The following NUP133 variants were observed in gnomAD, a reference collection of about 807,000 sequenced individuals.
NUP133 encodes the protein nuclear pore complex protein Nup133.
A neutral mutation model predicts 146.2 loss-of-function variants in NUP133; 66 were observed. The ratio of observed to expected loss-of-function variants is 0.45; its 90% CI spans 0.37 to 0.55. NUP133 has a LOEUF of 0.55. NUP133 is among the 20% of genes least tolerant of loss of function. The pLI is 0.00. For synonymous variants in NUP133, 521 were observed against 498.8 expected, an observed-to-expected ratio of 1.04 and a Z score of -0.59; for missense variants, 1,277 against 1,374.8, an observed-to-expected ratio of 0.93 and a Z score of 1.12.
In NUP133 at chr1:229,441,518, G is replaced by T; in HGVS notation, c.*386C>A. On this transcript the variant is annotated 3_prime_UTR_variant, in exon 26 of 26. Transcript: ENST00000261396. ...AGATTCTCTTCAGTGCAAAGTATCTGGAGTCACAGCAATTTTAGAGACAAG... is the reference window on the plus strand; with the variant it reads ...AGATTCTCTTCAGTGCAAAGTATCTTGAGTCACAGCAATTTTAGAGACAAG... 1 of 511,658 alleles carries T rather than the reference G, an allele frequency of 2.0e-6. No individual in the cohort carries two copies. The allele number at this position is 511,658 out of a possible 1,614,324, so 31.7% of individuals were successfully genotyped here.
intron 9 of NUP133, 32 bp from the exon 10 acceptor site, chr1:229,487,645 A>G (rs1277707807): frequency 2.0e-6 from 3 of 1,514,334 alleles, no homozygotes; most frequent in East Asian, 2.3e-5. Flanking sequence ...ACATTTAACA[A>G]GAAGTAAAAC....
intron 11 of NUP133, 58 bp downstream of exon 11, chr1:229,486,313 C>T (rs1558103273): frequency 1.1e-5 from 16 of 1,450,224 alleles, no homozygotes; most frequent in Non-Finnish European, 1.8e-6. Flanking sequence ...CAGCGTGAGA[C>T]ACTATCTCTA....
intron 13 of NUP133, 117 bp downstream of exon 13, chr1:229,477,480 A>G: frequency 1.3e-6 from 1 of 774,692 alleles, no homozygotes. Context: ...ATTTTAAAAA[A>G]TATTGAATTA....
At chr1:229,442,431 C>T (rs957757880) in intron 25 of NUP133, among the ~76,000 whole-genome samples, 3 of 152,146 alleles carry the variant, frequency 2.0e-5, no homozygotes, top group African/African-American at 7.2e-5. Context: ...AATGTGTTTA[C>T]AGTATAAATC....
intron 21 of NUP133, among the ~76,000 whole-genome samples, chr1:229,457,182 G>A (rs1483825771): frequency 1.3e-5 from 2 of 151,856 alleles, no homozygotes; most frequent in Admixed American, 6.6e-5. Context: ...GGTACAATGT[G>A]ATGCTTCAAT....
intron 8 of NUP133, among the ~76,000 whole-genome samples, chr1:229,491,705 G>A (rs990780740): frequency 2.6e-5 from 4 of 152,126 alleles, no homozygotes; most frequent in South Asian, 2.1e-4. Flanking sequence ...TTGAACCTGC[G>A]ATGCAGAGAT....
intron 24 of NUP133, among the ~76,000 whole-genome samples, chr1:229,448,171 G>A (rs541234843): frequency 1.5e-3 from 236 of 152,368 alleles, no homozygotes; most frequent in African/African-American, 5.5e-3. Context: ...GCTCACGCCT[G>A]TAATCCCAGC....
Position 229,487,553 on chromosome 1 carries a change from G to GA in NUP133, c.1254dup (p.Leu419SerfsTer3). 1 of 1,613,340 alleles carries GA rather than the reference G, an allele frequency of 6.2e-7. No individual in the cohort carries two copies. Among genetic ancestry groups the GA allele is most frequent in the Non-Finnish European group, 8.5e-7 (1 of 1,179,480 alleles). On this transcript the variant is annotated frameshift_variant, in exon 10 of 26. Coordinates refer to ENST00000261396, the MANE Select transcript of NUP133 (RefSeq NM_018230.3). LOFTEE classifies it high-confidence loss of function. ...ACATAGACAGCACTTTCGTTATACA[G>GA]ATAGGCAGTCTGGTTTGAAAAGTTT...
Position 229,474,048 on chromosome 1 carries a change from A to C in NUP133, c.1851+1590T>G, listed in dbSNP as rs537781881. Among the ~76,000 whole-genome samples, 18 of 152,348 alleles carry C rather than the reference A, an allele frequency of 1.2e-4. 1 individual carries two copies. The highest frequency in any genetic ancestry group is 4.3e-4 in the African/African-American group (18 of 41,584). ...TATGTGACATCTGAGATGAGCCCTT[A>C]AGAAGCCTACAGCTTCTATGTTCAT... On this transcript the variant is annotated intron_variant, in intron 14 of 25. Coordinates refer to ENST00000261396, the MANE Select transcript of NUP133 (RefSeq NM_018230.3).
chr1:229,501,847 A>G (rs531483907), intron 3 of NUP133, 152 bp downstream of exon 3: 49 of 588,498 alleles, frequency 8.3e-5, no homozygotes, highest in South Asian at 5.9e-4. Flanking sequence ...ATGCATGCTC[A>G]TTATTTCACA....
chr1:229,502,086 G>C lies in NUP133; in HGVS notation c.318C>G (p.Thr106=), dbSNP rs889921799. 1 of 1,613,302 alleles carries C rather than the reference G, an allele frequency of 6.2e-7. No homozygotes were observed. The highest frequency in any genetic ancestry group is 1.7e-5 in the Admixed American group (1 of 59,976). Residue 106 remains threonine, a synonymous_variant, in exon 3 of 26, where the codon ACC becomes ACG. Coordinates refer to ENST00000261396, the MANE Select transcript of NUP133 (RefSeq NM_018230.3). ...CCCATCCACCTTCATCTATGTTAAT[G>C]GTCAGCTGGTCATCGACTAAAGGAA... ...LTLAEVDDQL[T]INIDEGGWAC... is the part of the protein sequence containing the mutation.
chr1:229,486,099 T>A (rs1180241123), intron 11 of NUP133, among the ~76,000 whole-genome samples: 1 of 151,990 alleles, frequency 6.6e-6, no homozygotes, highest in Admixed American at 6.6e-5. Flanking sequence ...GAGGTTGAGG[T>A]GAGGCTGCAG....
intron 24 of NUP133, among the ~76,000 whole-genome samples, chr1:229,448,379 G>A (rs1409767289): frequency 6.6e-6 from 1 of 152,120 alleles, no homozygotes; most frequent in Admixed American, 6.5e-5. Context: ...AGTGAGTCAA[G>A]ATCGCACCAC....
Position 229,444,994 on chromosome 1 carries a change from C to G in NUP133, c.3254G>C (p.Ser1085Thr). The G allele has an allele frequency of 6.2e-7, 1 of 1,608,782 alleles. No homozygotes were observed. Among genetic ancestry groups the G allele is most frequent in the Non-Finnish European group, 8.5e-7 (1 of 1,176,854 alleles). Residue 1085 changes from serine (S) to threonine (T), a missense_variant, in exon 25 of 26, where the codon AGT becomes ACT. Transcript: ENST00000261396. ...CKALQRDNWS[S>T]SDGKDDPIEV... ...AATTGGATCATCTTTGCCATCAGAA[C>G]TGGACCAGCTAGAAAACAAAATCAT...
intron 24 of NUP133, among the ~76,000 whole-genome samples, chr1:229,448,191 G>A (rs1184197032): frequency 2.0e-5 from 3 of 152,216 alleles, no homozygotes; most frequent in Admixed American, 6.5e-5. Flanking sequence ...CATTTTGGGA[G>A]GCTGAGGTGG....
At chr1:229,506,445 C>G (rs1284728917) in intron 1 of NUP133, among the ~76,000 whole-genome samples, 1 of 141,088 alleles carries the variant, frequency 7.1e-6, no homozygotes, top group Non-Finnish European at 1.5e-5. Flanking sequence ...TTAACTAGAC[C>G]AGTGTTTTTT....
intron 13 of NUP133, 106 bp from the exon 14 acceptor site, chr1:229,475,838 G>A (rs551176206): frequency 1.1e-5 from 10 of 878,700 alleles, no homozygotes; most frequent in South Asian, 3.0e-5. Context: ...GGCTAGGCAC[G>A]GTGGCTCACA....
intron 2 of NUP133, 45 bp from the exon 3 acceptor site, chr1:229,502,147 C>A: frequency 1.5e-6 from 2 of 1,377,224 alleles, no homozygotes; most frequent in East Asian, 2.3e-5. Context: ...TAGTATAAAT[C>A]TTTATTACCA....
intron 12 of NUP133, among the ~76,000 whole-genome samples, chr1:229,478,744 A>G (rs1661138407): frequency 6.6e-6 from 1 of 152,208 alleles, no homozygotes; most frequent in African/African-American, 2.4e-5. Context: ...ATGAATCACA[A>G]AATTAGAGGA....
Sources: allele counts gnomAD v4.1 joint callset (sites outside exome capture counted in the v4.1 genomes callset), GRCh38; gene constraint gnomAD v4.1.1; transcripts MANE v1.5; gene names NCBI Gene and HGNC (gene_info 2026-07-23, HGNC 2026-07-21).